Variants in EXOC4 observed in about 807,000 individuals in gnomAD.
EXOC4 encodes SEC8-like 1.
EXOC4 carries 71 observed loss-of-function variants against 107.2 expected under a neutral mutation model. The ratio of observed to expected loss-of-function variants is 0.66; its 90% CI spans 0.55 to 0.81. The LOEUF (loss-of-function observed/expected upper bound fraction) is 0.81, where lower values mean the gene tolerates loss of function less well. Among genes scored for constraint, EXOC4 ranks in the 30% least tolerant of loss-of-function variants. The pLI is 0.00. For missense variants in EXOC4, 1,108 were observed against 1,189.6 expected (o/e 0.93, Z 1.01); for synonymous variants, 456 against 441.2 (o/e 1.03, Z -0.42).
intron 10 of EXOC4, among the ~76,000 whole-genome samples, chr7:133,757,178 G>GAAGAT (rs1461440749): frequency 1.3e-5 from 2 of 152,110 alleles, no homozygotes; most frequent in African/African-American, 4.8e-5. Context: ...TCTTACATGG[G>GAAGAT]AAGATAGTGG....
chr7:133,871,044 C>T (rs1269687436), intron 11 of EXOC4, among the ~76,000 whole-genome samples: 1 of 152,132 alleles, frequency 6.6e-6, no homozygotes. Context: ...TAAATACAGC[C>T]ATTATTAAAA....
intron 9 of EXOC4, among the ~76,000 whole-genome samples, chr7:133,610,787 T>TA (rs1347995766): frequency 6.6e-6 from 1 of 151,776 alleles, no homozygotes; most frequent in Non-Finnish European, 1.5e-5. Flanking sequence ...ACTAAGAACT[T>TA]AACACCAATA....
intron 17 of EXOC4, among the ~76,000 whole-genome samples, chr7:134,055,404 T>G (rs1287344066): frequency 6.6e-6 from 1 of 152,006 alleles, no homozygotes; most frequent in Non-Finnish European, 1.5e-5. Context: ...AGGGGCAGAG[T>G]CAACGGCCAA....
At chr7:133,541,253 G>A (rs1357459048) in intron 9 of EXOC4, among the ~76,000 whole-genome samples, 2 of 152,082 alleles carry the variant, frequency 1.3e-5, no homozygotes, top group African/African-American at 2.4e-5. Flanking sequence ...ATCAGTTGCC[G>A]TTTCTGAGAA....
chr7:133,312,872 T>A (rs1794906030), intron 4 of EXOC4, among the ~76,000 whole-genome samples: 1 of 152,104 alleles, frequency 6.6e-6, no homozygotes, highest in Admixed American at 6.6e-5. Context: ...AATTTACACC[T>A]TTATAATCGG....
intron 2 of EXOC4, among the ~76,000 whole-genome samples, chr7:133,284,643 T>A (rs1584777764): frequency 6.6e-6 from 1 of 152,196 alleles, no homozygotes; most frequent in East Asian, 1.9e-4. Flanking sequence ...GCAATTCTCC[T>A]GCCTTAGCCT....
intron 11 of EXOC4, among the ~76,000 whole-genome samples, chr7:133,856,224 T>C (rs1176642141): frequency 6.6e-6 from 1 of 152,202 alleles, no homozygotes; most frequent in Admixed American, 6.5e-5. Flanking sequence ...GTAATACCAA[T>C]CTACAGCACC....
chr7:133,651,853 T>C (rs1242438823), intron 10 of EXOC4, among the ~76,000 whole-genome samples: 1 of 151,860 alleles, frequency 6.6e-6, no homozygotes, highest in Non-Finnish European at 1.5e-5. Flanking sequence ...CCTGGCTAAT[T>C]TTTGTATTTT....
intron 9 of EXOC4, among the ~76,000 whole-genome samples, chr7:133,557,618 T>A (rs548565478): frequency 6.6e-6 from 1 of 152,214 alleles, no homozygotes; most frequent in Non-Finnish European, 1.5e-5. Flanking sequence ...CATAAATGAT[T>A]TTTATGGCAT....
chr7:133,822,385 A>T (rs1473595576), intron 11 of EXOC4, among the ~76,000 whole-genome samples: 1 of 152,172 alleles, frequency 6.6e-6, no homozygotes, highest in Admixed American at 6.5e-5. Flanking sequence ...TCCATCTGAA[A>T]AAAAGAGCGA....
chr7:133,530,468 G>A (rs923053305), intron 9 of EXOC4, among the ~76,000 whole-genome samples: 2 of 152,130 alleles, frequency 1.3e-5, no homozygotes, highest in East Asian at 3.8e-4. Context: ...GTACTGAATA[G>A]GGTATTTGTA....
rs141515366 is a variant in EXOC4, at chr7:133,844,904, C to T, written c.1734+27360C>T. Among the ~76,000 whole-genome samples, 364 of 152,178 alleles carry T rather than the reference C, an allele frequency of 2.4e-3. 5 individuals are homozygous for T. Among genetic ancestry groups the T allele is most frequent in the African/African-American group, 8.2e-3 (340 of 41,514 alleles). On this transcript the variant is annotated intron_variant, in intron 11 of 17. Coordinates refer to ENST00000253861, the MANE Select transcript of EXOC4 (RefSeq NM_021807.4). ...AAACATGACCTAAAAAAACCCATGT[C>T]CACATTAAAACCACACTAGATTTTC...
At chr7:133,855,114 A>AATATATATAAATATATATATATAAAT (rs1563028522) in intron 11 of EXOC4, among the ~76,000 whole-genome samples, 1 of 91,496 alleles carries the variant, frequency 1.1e-5, no homozygotes, top group African/African-American at 5.4e-5. Context: ...AATATATATA[A>AATATATATAAATATATATATATAAAT]ATATATATAT....
rs375574478 is a variant in EXOC4, at chr7:133,744,319, C to A, written c.1515-73006C>A. On this transcript the variant is annotated intron_variant, in intron 10 of 17. Coordinates refer to ENST00000253861, the MANE Select transcript of EXOC4 (RefSeq NM_021807.4). ...CCCTCATCACCGCTGCCCCCTTGAA[C>A]CTCCCCTCCTTCCCTCCTAAGTTTG... is the stretch of plus-strand genomic sequence containing the variant. 1.7e-4 allele frequency among the ~76,000 whole-genome samples: 26 copies of A among 152,196 alleles called. No homozygotes were observed. In the East Asian group the frequency reaches 3.9e-3, roughly 23 times the overall value.
Position 133,289,003 on chromosome 7 carries a change from G to T in EXOC4, c.358G>T (p.Glu120Ter). ...ELRKLWIEGIEHKHVLNLLDE... is the reference protein window; with the variant it reads ...ELRKLWIEGI ...TCGGAAACTGTGGATTGAAGGAATTGAGCATAAGCATGTCCTGAACTTGTT... is the reference window on the plus strand; with the variant it reads ...TCGGAAACTGTGGATTGAAGGAATTTAGCATAAGCATGTCCTGAACTTGTT... Residue 120 changes from glutamate to a stop codon, truncating the protein, a stop_gained, in exon 3 of 18, where the codon GAG (glutamate) becomes TAG (stop). Coordinates refer to ENST00000253861, the MANE Select transcript of EXOC4 (RefSeq NM_021807.4). LOFTEE classifies it high-confidence loss of function. 1 of 1,614,188 alleles carries T rather than the reference G, an allele frequency of 6.2e-7. No homozygotes were observed. The highest frequency in any genetic ancestry group is 1.1e-5 in the South Asian group (1 of 91,074).
chr7:133,579,576 T>G (rs1801205037), intron 9 of EXOC4, among the ~76,000 whole-genome samples: 2 of 152,216 alleles, frequency 1.3e-5, no homozygotes, highest in South Asian at 2.1e-4. Flanking sequence ...CACCACCATC[T>G]GTCTCCAGAA....
intron 9 of EXOC4, among the ~76,000 whole-genome samples, chr7:133,505,804 T>C (rs1799655492): frequency 6.6e-6 from 1 of 152,174 alleles, no homozygotes; most frequent in Admixed American, 6.5e-5. Flanking sequence ...AAAAAAGTTA[T>C]AAATGATTTG....
intron 14 of EXOC4, among the ~76,000 whole-genome samples, chr7:133,986,281 G>T (rs1026692972): frequency 6.6e-6 from 1 of 152,190 alleles, no homozygotes; most frequent in Non-Finnish European, 1.5e-5. Flanking sequence ...TTCTGAAATA[G>T]GAAGCAAAAT....
At chr7:133,567,854 T>TACTA (rs1800937608) in intron 9 of EXOC4, among the ~76,000 whole-genome samples, 1 of 152,194 alleles carries the variant, frequency 6.6e-6, no homozygotes. Context: ...GTGATAGGAA[T>TACTA]ACTAGTTCAT....
Sources: allele counts gnomAD v4.1 joint callset (sites outside exome capture counted in the v4.1 genomes callset), GRCh38; gene constraint gnomAD v4.1.1; transcripts MANE v1.5; gene names NCBI Gene and HGNC (gene_info 2026-07-23, HGNC 2026-07-21).